STK3: variants seen among roughly 807,000 people sequenced by gnomAD.
STK3 encodes serine/threonine-protein kinase 3.
A neutral mutation model predicts 58.0 loss-of-function variants in STK3; 41 were observed. The observed-to-expected ratio is 0.71, with a 90% CI of 0.55 to 0.92. The LOEUF (loss-of-function observed/expected upper bound fraction) is 0.92, where lower values mean the gene tolerates loss of function less well. STK3 is among the 40% of genes least tolerant of loss of function. The pLI is 0.00. For synonymous variants in STK3, 170 were observed against 191.0 expected (o/e 0.89, Z 0.91); for missense variants, 479 against 602.7 (o/e 0.79, Z 2.15).
intron 1 of STK3, among the ~76,000 whole-genome samples, chr8:98,779,427 C>T (rs1247464980): frequency 6.6e-6 from 1 of 151,928 alleles, no homozygotes; most frequent in African/African-American, 2.4e-5. Flanking sequence ...GAAGGTGATG[C>T]CAAACAACTC....
intron 10 of STK3, among the ~76,000 whole-genome samples, chr8:98,457,867 A>C (rs939007439): frequency 6.6e-6 from 1 of 152,214 alleles, no homozygotes; most frequent in Non-Finnish European, 1.5e-5. Flanking sequence ...ATAGGTTTAT[A>C]AATATTGTAT....
At chr8:98,544,969 T>A (rs952264291) in intron 9 of STK3, among the ~76,000 whole-genome samples, 2 of 152,052 alleles carry the variant, frequency 1.3e-5, no homozygotes, top group African/African-American at 4.8e-5. Context: ...AGTTCCTCCA[T>A]AAAAACAGAG....
At chr8:98,739,919 A>T (rs1260134736) in intron 4 of STK3, among the ~76,000 whole-genome samples, 2 of 151,736 alleles carry the variant, frequency 1.3e-5, no homozygotes, top group African/African-American at 4.8e-5. Context: ...TGGAGCTGAA[A>T]GCCAAGGCTC....
In STK3 at chr8:98,435,422, T is replaced by C. The variant is rs568179222; in HGVS notation, n.292-1104A>G. Among the ~76,000 whole-genome samples the C allele has an allele frequency of 1.8e-3, 275 of 152,328 alleles. 1 individual carries two copies. Among genetic ancestry groups the C allele is most frequent in the Non-Finnish European group, 3.4e-3 (232 of 68,028 alleles). ...AGTAAGCCATCTGAAGAGCCTGAGC[T>C]TCATTCTTTTGTCACCAGGGTACAG... is the stretch of plus-strand genomic sequence containing the variant. On this transcript the variant is annotated intron_variant and non_coding_transcript_variant, in intron 2 of 3. Coordinates refer to the STK3 transcript ENST00000517832.
rs200527894 is a variant in STK3 at position 98,797,339 on chromosome 8, C to T, written c.27-22520G>A. ...AAAAATATTCCTATCCTTCCCCCATCAGCAGATGGCTTTTCCTTCTCTCTC... is the reference window on the plus strand; with the variant it reads ...AAAAATATTCCTATCCTTCCCCCATTAGCAGATGGCTTTTCCTTCTCTCTC... On this transcript the variant is annotated intron_variant, in intron 1 of 10. Coordinates refer to ENST00000419617, the MANE Select transcript of STK3 (RefSeq NM_006281.4). Among the ~76,000 whole-genome samples the T allele has an allele frequency of 4.9e-4, 74 of 152,310 alleles. No homozygotes were observed. The East Asian group carries it at 0.012, about 25-fold the overall frequency.
intron 1 of STK3, among the ~76,000 whole-genome samples, chr8:98,940,062 C>T (rs1289336825): frequency 2.0e-5 from 3 of 152,250 alleles, no homozygotes; most frequent in Non-Finnish European, 4.4e-5. Flanking sequence ...AGGAGATCCC[C>T]TTCCCTGGAG....
chr8:98,470,894 C>T (rs1820868630), intron 10 of STK3, among the ~76,000 whole-genome samples: 1 of 152,062 alleles, frequency 6.6e-6, no homozygotes, highest in East Asian at 1.9e-4. Flanking sequence ...CTTTTATATC[C>T]CACTTAGAAA....
At chr8:98,683,398 A>G (rs1366994177) in intron 6 of STK3, among the ~76,000 whole-genome samples, 3 of 152,066 alleles carry the variant, frequency 2.0e-5, no homozygotes, top group Non-Finnish European at 4.4e-5. Flanking sequence ...AGCTTACCAG[A>G]TTTCAGTATT....
intron 1 of STK3, chr8:98,437,944 T>C (rs887848951): frequency 2.6e-5 from 4 of 152,208 alleles, no homozygotes; most frequent in African/African-American, 4.8e-5. Flanking sequence ...ATGCCTGTCC[T>C]GGGCTAGGGA....
At chr8:98,650,207 A>C (rs1820770069) in intron 6 of STK3, among the ~76,000 whole-genome samples, 1 of 152,262 alleles carries the variant, frequency 6.6e-6, no homozygotes, top group Non-Finnish European at 1.5e-5. Context: ...GTTCATACAG[A>C]TTATTTCATT....
chr8:98,618,975 A>G (rs1195612541), intron 6 of STK3, among the ~76,000 whole-genome samples: 2 of 150,140 alleles, frequency 1.3e-5, no homozygotes, highest in Non-Finnish European at 3.0e-5. Context: ...TTTAAAGTTC[A>G]TACGGAACCA....
At chr8:98,389,522 C>T (rs138813543), upstream of STK3, among the ~76,000 whole-genome samples, 10 of 152,232 alleles carry the variant, frequency 6.6e-5, no homozygotes, top group East Asian at 1.9e-3. Context: ...AACAAGTTCA[C>T]ATAATCAAAT....
At chr8:98,507,563 T>A (rs1824194628) in intron 10 of STK3, among the ~76,000 whole-genome samples, 1 of 152,230 alleles carries the variant, frequency 6.6e-6, no homozygotes, top group Non-Finnish European at 1.5e-5. Flanking sequence ...AGAGATCAAG[T>A]TATTTCTCTA....
At chr8:98,549,446 T>C (rs1810989373) in intron 8 of STK3, among the ~76,000 whole-genome samples, 2 of 152,172 alleles carry the variant, frequency 1.3e-5, no homozygotes, top group Admixed American at 1.3e-4. Context: ...AAATGGGTTG[T>C]TTGGTTTTTC....
chr8:98,835,183 T>C (rs901126707), intron 3 of STK3, among the ~76,000 whole-genome samples: 10 of 152,210 alleles, frequency 6.6e-5, no homozygotes, highest in South Asian at 2.1e-4. Context: ...TAGCTCAGAC[T>C]ACTCTGAGCT....
At chr8:98,558,864 T>C (rs1264893444) in intron 8 of STK3, among the ~76,000 whole-genome samples, 2 of 152,104 alleles carry the variant, frequency 1.3e-5, no homozygotes, top group Non-Finnish European at 1.5e-5. Flanking sequence ...TAAACTTAGA[T>C]ATAATTTTGT....
intron 3 of STK3, among the ~76,000 whole-genome samples, chr8:98,416,103 T>G (rs1411737334): frequency 6.6e-6 from 1 of 152,194 alleles, no homozygotes; most frequent in Non-Finnish European, 1.5e-5. Context: ...GGCCATTCAA[T>G]GCTCTGGCCC....
intron 3 of STK3, among the ~76,000 whole-genome samples, chr8:98,858,353 G>GAGAGAGAGAC (rs1836785373): frequency 7.3e-6 from 1 of 137,208 alleles, no homozygotes; most frequent in African/African-American, 2.7e-5. Flanking sequence ...GAGAGAGAGA[G>GAGAGAGAGAC]AGAGAGACAG....
chr8:98,404,751 TGA>T (rs1817977378), intron 3 of STK3, among the ~76,000 whole-genome samples: 1 of 150,946 alleles, frequency 6.6e-6, no homozygotes, highest in Admixed American at 6.6e-5. Context: ...CTTGGAAGGC[TGA>T]GGTGGCAGGA....
Sources: gnomAD v4.1 joint callset for allele counts (sites outside exome capture counted in the v4.1 genomes callset) on GRCh38, gnomAD v4.1.1 for gene constraint, MANE v1.5 for transcripts, NCBI Gene and HGNC (gene_info 2026-07-23, HGNC 2026-07-21) for gene names.